WNK4: variants seen among roughly 807,000 people sequenced by gnomAD.
WNK4 encodes the protein WNK lysine deficient protein kinase 4.
Under a neutral mutation model 116.2 loss-of-function variants are expected in WNK4, and 94 were observed. The ratio of observed to expected loss-of-function variants is 0.81; its 90% confidence interval spans 0.68 to 0.96. The LOEUF (loss-of-function observed/expected upper bound fraction) is 0.96. Ranked by LOEUF, WNK4 falls within the 40% of genes least tolerant of loss-of-function variation. The pLI is 0.00. For missense variants in WNK4, 1,542 were observed against 1,650.6 expected, an observed-to-expected ratio of 0.93 and a Z score of 1.14; for synonymous variants, 655 against 672.7, an observed-to-expected ratio of 0.97 and a Z score of 0.41.
intron 11 of WNK4, 69 bp from the exon 12 acceptor site, chr17:42,793,523 T>G: frequency 6.2e-7 from 1 of 1,603,084 alleles, no homozygotes; most frequent in Non-Finnish European, 8.5e-7. Flanking sequence ...TGTTTTAAGA[T>G]CAGAAGCAGG....
intron 11 of WNK4, among the ~76,000 whole-genome samples, chr17:42,792,069 G>A (rs986432723): frequency 3.9e-5 from 6 of 152,162 alleles, no homozygotes; most frequent in Non-Finnish European, 7.3e-5. Context: ...GGAAGGGGTC[G>A]CTTTCATGTA....
intron 11 of WNK4, 102 bp from the exon 12 acceptor site, chr17:42,793,490 G>C (rs941360213): frequency 1.3e-6 from 2 of 1,526,530 alleles, no homozygotes; most frequent in Non-Finnish European, 1.8e-6. Context: ...GATTACAGGC[G>C]TGAGCCACCG....
At position 42,794,866 on chromosome 17, in the gene WNK4, C is replaced by T; in HGVS notation, c.2445C>T (p.Asn815=). 1 of 1,613,868 alleles carries T rather than the reference C, an allele frequency of 6.2e-7. No individual in the cohort carries two copies. ...SSPGTPLSPG[N]PFSPGTPISP... ...CTGGAACTCCTTTGTCTCCTGGAAA[C>T]CCATTTTCCCCTGGAACCCCCATTT... The change falls in exon 14 of 19, where the codon AAC becomes AAT. Residue 815 remains asparagine (N), a synonymous_variant. Transcript: ENST00000246914.
intron 7 of WNK4, 70 bp from the exon 8 acceptor site, chr17:42,787,708 G>A (rs2054565560): frequency 1.2e-6 from 2 of 1,603,126 alleles, no homozygotes; most frequent in Non-Finnish European, 1.7e-6. Flanking sequence ...TCCTTGCTTA[G>A]GCAGGCCCCA....
Position 42,785,344 on chromosome 17 carries a change from C to G in WNK4, c.1338C>G (p.Asp446Glu). ...RGVHVELAEE[D>E]DGEKPGLKLW... ...TGCACGTGGAACTAGCGGAGGAGGA[C>G]GACGGCGAGAAGCCGGGCCTCAAGC... The change falls in exon 6 of 19, where the codon GAC becomes GAG. Residue 446 changes from aspartate to glutamate, a missense_variant. Asp to Glu is a conservative substitution (Grantham distance 45). Around this residue, in one of 7 missense-constraint regions of WNK4, gnomAD observed 808 missense variants for 873.6 expected, o/e 0.92. Coordinates refer to ENST00000246914, the MANE Select transcript of WNK4 (RefSeq NM_032387.5). 6.2e-7 allele frequency: 1 copy of G among 1,611,118 alleles called. No individual in the cohort carries two copies. The highest frequency in any genetic ancestry group is 8.5e-7 in the Non-Finnish European group (1 of 1,178,800).
At chr17:42,783,747 A>G in intron 2 of WNK4, 190 bp from the exon 3 acceptor site, 1 of 625,932 alleles carries the variant, frequency 1.6e-6, no homozygotes, top group South Asian at 1.9e-5. Flanking sequence ...CCGTTTGGTA[A>G]CGTCATGTCT....
In WNK4 at chr17:42,780,650, T is replaced by G. The variant is rs2054470458; in HGVS notation, c.-49T>G. The stretch of plus-strand genomic sequence containing the variant: ...CAGCGAGTCCGTCTGTCAGGCCGCC[T>G]CCTCTCCGGCCGTCTGATTTTCTAC... On this transcript the variant is annotated 5_prime_UTR_variant, in exon 1 of 19. Transcript: ENST00000246914. 1.9e-6 allele frequency: 3 copies of G among 1,597,010 alleles called. No individual in the cohort carries two copies. The highest frequency in any genetic ancestry group is 1.1e-5 in the South Asian group (1 of 90,760).
chr17:42,786,020 T>G (rs1297884486), intron 6 of WNK4, among the ~76,000 whole-genome samples: 1 of 152,246 alleles, frequency 6.6e-6, no homozygotes, highest in Non-Finnish European at 1.5e-5. Flanking sequence ...CTGGCAGTGC[T>G]TGGCACATAG....
In WNK4 at chr17:42,796,043, G is replaced by C. The variant is rs752945642; in HGVS notation, c.3431+10G>C. On this transcript the variant is annotated intron_variant, in intron 16 of 18. Transcript: ENST00000246914. ...AGAGTCTTCGGCAGAAGTGAGTCTC[G>C]GGAGGATGGAGGAGTGAGAGGAGAA... 6.2e-7 allele frequency: 1 copy of C among 1,613,950 alleles called. No homozygotes were observed. Among genetic ancestry groups the C allele is most frequent in the Non-Finnish European group, 8.5e-7 (1 of 1,180,030 alleles).
At position 42,783,934 on chromosome 17, in the gene WNK4, C is replaced by CTG; in HGVS notation, c.792-3_792-2insTG. On this transcript the variant is annotated splice_polypyrimidine_tract_variant and splice_region_variant and intron_variant, in intron 2 of 18. Coordinates refer to ENST00000246914, the MANE Select transcript of WNK4 (RefSeq NM_032387.5). Reference sequence around the variant, plus strand: ...AGGACTCTGGCTATGCGCCCTCCCCCAGGTACCTGAGGCGGTTCCGGGAGA... The same window carrying CTG: ...AGGACTCTGGCTATGCGCCCTCCCCCTGAGGTACCTGAGGCGGTTCCGGGAGA... 6.2e-7 allele frequency: 1 copy of CTG among 1,612,830 alleles called. No individual in the cohort carries two copies. Among genetic ancestry groups the CTG allele is most frequent in the Non-Finnish European group, 8.5e-7 (1 of 1,179,694 alleles).
Position 42,795,898 on chromosome 17 carries a change from G to A in WNK4, c.3296G>A (p.Ser1099Asn). The A allele has an allele frequency of 6.2e-7, 1 of 1,611,518 alleles. No individual in the cohort carries two copies. Among genetic ancestry groups the A allele is most frequent in the Non-Finnish European group, 8.5e-7 (1 of 1,178,494 alleles). Residue 1099 changes from serine to asparagine, a missense_variant, in exon 16 of 19, where the codon AGC (serine) becomes AAC (asparagine). Physicochemically the swap from Ser to Asn is conservative, Grantham distance 46. Coordinates refer to ENST00000246914, the MANE Select transcript of WNK4 (RefSeq NM_032387.5). ...GGGAAGGAACCCCAAGTTGGGGGCA[G>A]CCCCCAACCCCTGAGCCATCCCAGC... ...DDGKEPQVGGSPQPLSHPSPV... is the reference protein window; with the variant it reads ...DDGKEPQVGGNPQPLSHPSPV...
In WNK4 at chr17:42,788,188, G is replaced by C. The variant is rs2054572297; in HGVS notation, c.1922G>C (p.Ser641Thr). 12 of 1,614,090 alleles carry C rather than the reference G, an allele frequency of 7.4e-6. No individual in the cohort carries two copies. The highest frequency in any genetic ancestry group is 1.6e-4 in the Middle Eastern group (1 of 6,084). Residue 641 changes from serine (S) to threonine (T), a missense_variant and splice_region_variant, in exon 9 of 19, where the codon AGC becomes ACC. Ser to Thr is a moderately conservative substitution (Grantham distance 58). This residue lies in a region of WNK4 where 808 missense variants were observed against 873.6 expected (regional missense o/e 0.92). Transcript: ENST00000246914. The stretch of plus-strand genomic sequence containing the variant: ...GGAAGTGACTTTTCCCCCGGGGACA[G>C]GTATGTTCTGGTACAAGTTGGGGTG... The part of the protein sequence containing the change: ...GPGSDFSPGD[S>T]YASDAASGLS...
In WNK4 at chr17:42,793,681, GA is replaced by G. The variant is rs1420421283; in HGVS notation, c.2248del (p.Arg750GlufsTer13). The part of the protein sequence containing the change: ...IIQRVETLLK[R>X]DTGPMEAAED... ...TCCAGCGAGTGGAGACCCTGTTGAA[GA>G]GAGACACTGGCCCCATGGAGGCTGC... On this transcript the variant is annotated frameshift_variant, in exon 12 of 19. Coordinates refer to ENST00000246914, the MANE Select transcript of WNK4 (RefSeq NM_032387.5). LOFTEE classifies it high-confidence loss of function. 1.9e-6 allele frequency: 3 copies of G among 1,613,990 alleles called. No individual in the cohort carries two copies. Among genetic ancestry groups the G allele is most frequent in the East Asian group, 4.5e-5 (2 of 44,880 alleles).
intron 11 of WNK4, among the ~76,000 whole-genome samples, chr17:42,789,800 G>C (rs991632836): frequency 6.6e-6 from 1 of 151,970 alleles, no homozygotes; most frequent in South Asian, 2.1e-4. Context: ...GAGCCCAGGG[G>C]TTCAAGACCA....
intron 6 of WNK4, among the ~76,000 whole-genome samples, chr17:42,786,933 G>A (rs140790126): frequency 1.9e-3 from 284 of 152,242 alleles, no homozygotes; most frequent in African/African-American, 6.5e-3. Context: ...CCTGGCTTCC[G>A]CTCACTAGAT....
At position 42,782,075 on chromosome 17, in the gene WNK4, C is replaced by T. The variant is rs957651891; in HGVS notation, c.619-683C>T. Among the ~76,000 whole-genome samples, 3 of 152,212 alleles carry T rather than the reference C, an allele frequency of 2.0e-5. No homozygotes were observed. Among genetic ancestry groups the T allele is most frequent in the Non-Finnish European group, 4.4e-5 (3 of 68,028 alleles). ...AACTTGGGGCCTGAAGCTTCCGATT[C>T]AGATCAGGGGACAGAGCCTAGGGGA... On this transcript the variant is annotated intron_variant, in intron 1 of 18. Coordinates refer to ENST00000246914, the MANE Select transcript of WNK4 (RefSeq NM_032387.5). This position sits in a 1 kb window ranked among gnomAD's most constrained non-coding sequence, Gnocchi z 4.2.
Position 42,785,103 on chromosome 17 carries a change from A to G in WNK4, c.1177A>G (p.Lys393Glu). 1 of 1,613,216 alleles carries G rather than the reference A, an allele frequency of 6.2e-7. No individual in the cohort carries two copies. Among genetic ancestry groups the G allele is most frequent in the Non-Finnish European group, 8.5e-7 (1 of 1,179,748 alleles). The change falls in exon 5 of 19, where the codon AAG becomes GAG. Residue 393 changes from lysine to glutamate, a missense_variant. Physicochemically the swap from Lys to Glu is moderately conservative, Grantham distance 56 (BLOSUM62 1). Transcript: ENST00000246914. Reference protein sequence around the residue: ...QIYRKVTSGRKPNSFHKVKIP... With the variant: ...QIYRKVTSGREPNSFHKVKIP... ...CATGCAACCCCTTCCCCAGGGCAGA[A>G]AGCCGAACAGCTTCCACAAGGTGAA...
At position 42,795,272 on chromosome 17, in the gene WNK4, C is replaced by G; in HGVS notation, c.2851C>G (p.Gln951Glu). Reference protein sequence around the residue: ...LLSPSPGLLSQSPPAPPSPLP... With the variant: ...LLSPSPGLLSESPPAPPSPLP... ...GTCCCCCTCACCTGGGCTCCTTTCC[C>G]AGTCTCCTCCAGCCCCTCCTAGTCC... The change falls in exon 14 of 19, where the codon CAG becomes GAG. Residue 951 changes from glutamine to glutamate, a missense_variant. By Grantham distance (29) the Gln-to-Glu change is conservative. This residue lies in a region of WNK4 where 292 missense variants were observed against 290.1 expected (regional missense o/e 1.01). Coordinates refer to ENST00000246914, the MANE Select transcript of WNK4 (RefSeq NM_032387.5). The G allele has an allele frequency of 6.2e-7, 1 of 1,613,920 alleles. No individual in the cohort carries two copies. Among genetic ancestry groups the G allele is most frequent in the Non-Finnish European group, 8.5e-7 (1 of 1,179,900 alleles).
chr17:42,785,186 G>A lies in WNK4; in HGVS notation c.1259+1G>A. On this transcript the variant is annotated splice_donor_variant, in intron 5 of 18. Transcript: ENST00000246914. LOFTEE classifies it high-confidence loss of function. ...GCATCCGCACGGATAAGAACGAGAG[G>A]TGGGGGTGAAAGGGCAGAGCGTGGG... is the stretch of plus-strand genomic sequence containing the variant. The A allele has an allele frequency of 6.2e-7, 1 of 1,613,694 alleles. No homozygotes were observed. The highest frequency in any genetic ancestry group is 1.3e-5 in the African/African-American group (1 of 75,068).
Sources: allele counts gnomAD v4.1 joint callset (sites outside exome capture counted in the v4.1 genomes callset), GRCh38; gene constraint gnomAD v4.1.1; regional missense constraint gnomAD v4.1.1; non-coding constraint Gnocchi (gnomAD v3.1); transcripts MANE v1.5; gene names NCBI Gene and HGNC (gene_info 2026-07-23, HGNC 2026-07-21).